The following INPP4A variants were observed in gnomAD, a reference collection of about 807,000 sequenced individuals.
The protein encoded by INPP4A is inositol polyphosphate-4-phosphatase type I A.
Under a neutral mutation model 119.8 loss-of-function variants are expected in INPP4A, and 33 were observed. The observed-to-expected ratio is 0.28, with a 90% confidence interval of 0.21 to 0.37. The LOEUF (loss-of-function observed/expected upper bound fraction) is 0.37. Among genes scored for constraint, INPP4A ranks in the 10% least tolerant of loss-of-function variants. The pLI, the probability that INPP4A is intolerant of heterozygous loss-of-function variation, is 1.00. For missense variants in INPP4A, 956 were observed against 1,289.9 expected (o/e 0.74, Z 3.97); for synonymous variants, 496 against 500.7 (o/e 0.99, Z 0.12).
intron 1 of INPP4A, among the ~76,000 whole-genome samples, chr2:98,466,048 G>A (rs1041879349): frequency 3.3e-5 from 5 of 151,950 alleles, no homozygotes; most frequent in Admixed American, 1.3e-4. Context: ...TTTGTTTTTT[G>A]TTTTTTTGTT....
At chr2:98,519,830 G>T in intron 2 of INPP4A, 116 bp from the exon 3 acceptor site, 1 of 544,848 alleles carries the variant, frequency 1.8e-6, no homozygotes, top group Non-Finnish European at 3.4e-6. Flanking sequence ...TTCCTCACAT[G>T]CTGGGGAACC....
Position 98,590,835 on chromosome 2 carries a change from C to T in INPP4A, c.*3227C>T, listed in dbSNP as rs530658557. ...AAACTCCTAGAAATTTAAGCTACCA[C>T]CAAAAATAACATGTGCCTTTTCCCT... On this transcript the variant is annotated 3_prime_UTR_variant, in exon 25 of 25. Coordinates refer to ENST00000409851, the MANE Select transcript of INPP4A (RefSeq NM_001134225.2). 5 of 228,998 alleles carry T rather than the reference C, an allele frequency of 2.2e-5. No individual in the cohort carries two copies. The East Asian group carries it at 2.5e-4, about 11-fold the overall frequency. 14.2% of individuals were successfully genotyped at this position (228,998 alleles called of 1,614,324 possible).
chr2:98,543,358 C>T (rs1691866887), intron 10 of INPP4A, among the ~76,000 whole-genome samples: 1 of 152,330 alleles, frequency 6.6e-6, no homozygotes, highest in East Asian at 1.9e-4. Flanking sequence ...GCAGAAGGCC[C>T]ATACCTCAGG....
chr2:98,518,382 C>T (rs1284725207), intron 1 of INPP4A, among the ~76,000 whole-genome samples: 1 of 152,234 alleles, frequency 6.6e-6, no homozygotes, highest in African/African-American at 2.4e-5. Flanking sequence ...CTCTTGCGGT[C>T]ATCTGATTCC....
intron 1 of INPP4A, among the ~76,000 whole-genome samples, chr2:98,486,097 A>T (rs566814347): frequency 2.0e-5 from 3 of 152,144 alleles, no homozygotes; most frequent in African/African-American, 7.2e-5. Flanking sequence ...CTCTGGGAGG[A>T]GGTTTCTCCT....
chr2:98,538,629 G>A (rs374437493), intron 8 of INPP4A, among the ~76,000 whole-genome samples: 3 of 152,162 alleles, frequency 2.0e-5, no homozygotes, highest in African/African-American at 4.8e-5. Context: ...CTTCCTTTTC[G>A]TTTTTACATC....
rs1279098836 is a variant in INPP4A, at chr2:98,538,908, T to C, written c.597T>C (p.Asp199=). The C allele has an allele frequency of 2.5e-6, 4 of 1,607,188 alleles. No homozygotes were observed. The highest frequency in any genetic ancestry group is 2.7e-5 in the African/African-American group (2 of 74,808). The change falls in exon 9 of 25, where the codon GAT becomes GAC. Residue 199 remains aspartate, a synonymous_variant. Coordinates refer to ENST00000409851, the MANE Select transcript of INPP4A (RefSeq NM_001134225.2). ...TVNGRMVLPV[D]ESLTEALGIR... is the part of the protein sequence containing the mutation. ...ATTATCAGATGGTTCTTCCTGTCGA[T>C]GAGAGCTTGACGGAGGCGTTAGGAA...
chr2:98,554,167 G>C lies in INPP4A; in HGVS notation c.1348-104G>C. 1.2e-6 allele frequency: 1 copy of C among 805,842 alleles called. No individual in the cohort carries two copies. The allele number at this position is 805,842 out of a possible 1,614,324, so 49.9% of individuals were successfully genotyped here. On this transcript the variant is annotated intron_variant, in intron 14 of 24. Transcript: ENST00000409851. The surrounding 1 kb of genome is among the most constrained non-coding windows in gnomAD (Gnocchi z 4.7). Reference sequence around the variant, plus strand: ...TTGCACTGTGGAGAAAGGCAGAGGGGTGCAGTGCTGGGCTTTAAGCCCATT... The same window carrying C: ...TTGCACTGTGGAGAAAGGCAGAGGGCTGCAGTGCTGGGCTTTAAGCCCATT...
chr2:98,548,965 T>G (rs746375136), intron 13 of INPP4A: 4 of 1,612,266 alleles, frequency 2.5e-6, no homozygotes, highest in Non-Finnish European at 3.4e-6. Context: ...TTTTGAGGAG[T>G]GTTGGTGAGT....
chr2:98,543,784 C>A, intron 10 of INPP4A, 93 bp from the exon 11 acceptor site: 1 of 1,488,846 alleles, frequency 6.7e-7, no homozygotes, highest in South Asian at 1.3e-5. Flanking sequence ...ATGATACTTC[C>A]CCTGCAAATG....
chr2:98,534,711 G>A (rs1689892253), intron 5 of INPP4A, among the ~76,000 whole-genome samples: 2 of 152,238 alleles, frequency 1.3e-5, no homozygotes, highest in Non-Finnish European at 2.9e-5. Flanking sequence ...TCAGCAGATG[G>A]TAGTGAGCCA....
rs1468896740 is a variant in INPP4A, at chr2:98,554,418, A to G, written c.1495A>G (p.Thr499Ala). The G allele has an allele frequency of 6.2e-7, 1 of 1,613,656 alleles. No individual in the cohort carries two copies. The change falls in exon 15 of 25, where the codon ACC (threonine) becomes GCC (alanine). Residue 499 changes from threonine (T) to alanine (A), a missense_variant. By Grantham distance (58) the Thr-to-Ala change is moderately conservative. Around this residue, in one of 2 missense-constraint regions of INPP4A, gnomAD observed 652 missense variants for 797.9 expected, o/e 0.82. Transcript: ENST00000409851. This position sits in a 1 kb window ranked among gnomAD's most constrained non-coding sequence, Gnocchi z 4.7. ...EQVMLRNDQD[T>A]LMARWTGRNS... ...GGTGATGCTTAGAAATGACCAGGAC[A>G]CCCTCATGGCCCGGTGGACAGGGAG... is the stretch of plus-strand genomic sequence containing the variant.
At chr2:98,550,368 T>C (rs1693285665) in intron 13 of INPP4A, among the ~76,000 whole-genome samples, 1 of 152,150 alleles carries the variant, frequency 6.6e-6, no homozygotes, top group South Asian at 2.1e-4. Flanking sequence ...CCCAGCTCCA[T>C]GGGGGCTCAG....
chr2:98,527,330 C>G (rs1688370672), intron 4 of INPP4A, among the ~76,000 whole-genome samples: 1 of 152,184 alleles, frequency 6.6e-6, no homozygotes, highest in South Asian at 2.1e-4. Flanking sequence ...TGGCTTAACT[C>G]AGAATCAGTG....
intron 1 of INPP4A, among the ~76,000 whole-genome samples, chr2:98,497,614 G>A (rs1471046812): frequency 6.6e-6 from 1 of 152,220 alleles, no homozygotes; most frequent in Non-Finnish European, 1.5e-5. Context: ...TTCTGCAGTT[G>A]AGTTGTTTGA....
chr2:98,538,091 A>G, intron 8 of INPP4A, 117 bp downstream of exon 8: 1 of 682,082 alleles, frequency 1.5e-6, no homozygotes, highest in Non-Finnish European at 2.6e-6. Flanking sequence ...CTGCTGCTTG[A>G]TGCTGCTCCC....
At chr2:98,531,656 C>T (rs1026703356) in intron 4 of INPP4A, among the ~76,000 whole-genome samples, 1 of 152,112 alleles carries the variant, frequency 6.6e-6, no homozygotes, top group African/African-American at 2.4e-5. Context: ...CCGCTGACTT[C>T]ATAACAGAAA....
At position 98,569,993 on chromosome 2, in the gene INPP4A, G is replaced by C. The variant is rs1697165470; in HGVS notation, c.2518+1325G>C. Reference sequence around the variant, plus strand: ...GAGGGATGAGGCGTTAGGGGGGTTTGGGCTGAGGATGCACTCCTCAGCGGC... The same window carrying C: ...GAGGGATGAGGCGTTAGGGGGGTTTCGGCTGAGGATGCACTCCTCAGCGGC... On this transcript the variant is annotated intron_variant, in intron 22 of 24. Coordinates refer to ENST00000409851, the MANE Select transcript of INPP4A (RefSeq NM_001134225.2). This position sits in a 1 kb window ranked among gnomAD's most constrained non-coding sequence, Gnocchi z 5.1. 6.6e-6 allele frequency among the ~76,000 whole-genome samples: 1 copy of C among 152,120 alleles called. No homozygotes were observed. Among genetic ancestry groups the C allele is most frequent in the Admixed American group, 6.5e-5 (1 of 15,274 alleles).
intron 1 of INPP4A, among the ~76,000 whole-genome samples, chr2:98,496,503 A>C (rs4851141): frequency 0.24 from 36,947 of 152,158 alleles, 4,634 homozygotes; most frequent in Middle Eastern, 0.35. Context: ...CACAGGCAAC[A>C]AAAGCAAAAA....
Sources: allele counts gnomAD v4.1 joint callset (sites outside exome capture counted in the v4.1 genomes callset), GRCh38; gene constraint gnomAD v4.1.1; regional missense constraint gnomAD v4.1.1; non-coding constraint Gnocchi (gnomAD v3.1); transcripts MANE v1.5; gene names NCBI Gene and HGNC (gene_info 2026-07-23, HGNC 2026-07-21).